TTN: variants seen among roughly 807,000 people sequenced by gnomAD.
TTN encodes the protein titin.
Under a neutral mutation model 3,223.0 loss-of-function variants are expected in TTN, and 1,525 were observed. The observed-to-expected ratio is 0.47, with a 90% CI of 0.45 to 0.49. The LOEUF is 0.49. Ranked by LOEUF, TTN falls within the 20% of genes least tolerant of loss-of-function variation. The pLI, the probability that TTN is intolerant of heterozygous loss-of-function variation, is 0.00. For missense variants in TTN, 40,786 were observed against 43,424.0 expected, an observed-to-expected ratio of 0.94 and a Z score of 5.40; for synonymous variants, 14,094 against 15,161.0, an observed-to-expected ratio of 0.93 and a Z score of 5.17.
Position 178,546,535 on chromosome 2 carries a change from T to C in TTN, c.94829-33A>G, listed in dbSNP as rs753000914. ...TAGGCAAAACAGATATGAATGAATA[T>C]CTGAGAGTTTATTTTCACATAAATT... On this transcript the variant is annotated intron_variant, in intron 341 of 362. Coordinates refer to ENST00000589042, the MANE Select transcript of TTN (RefSeq NM_001267550.2). The C allele has an allele frequency of 1.9e-6, 3 of 1,598,236 alleles. No homozygotes were observed. In the African/African-American group the frequency reaches 4.0e-5, roughly 21 times the overall value.
chr2:178,670,704 A>G (rs1277433864), intron 156 of TTN, among the ~76,000 whole-genome samples: 2 of 151,952 alleles, frequency 1.3e-5, no homozygotes, highest in Admixed American at 1.3e-4. Flanking sequence ...AAAATGAACA[A>G]AGCAAGAACA....
chr2:178,765,049 G>C (rs2090119269), intron 41 of TTN, among the ~76,000 whole-genome samples: 1 of 152,108 alleles, frequency 6.6e-6, no homozygotes, highest in Non-Finnish European at 1.5e-5. Context: ...TTGATATTTG[G>C]GGGGCATGCT....
chr2:178,790,195 AG>A (rs2093414507), intron 11 of TTN, 80 bp from the exon 12 acceptor site: 2 of 1,488,154 alleles, frequency 1.3e-6, no homozygotes, highest in African/African-American at 2.8e-5. Context: ...TCAAAAAGAA[AG>A]GAGGCAAAAT....
In TTN at chr2:178,616,567, G is replaced by C. The variant is rs773602170; in HGVS notation, c.48224C>G (p.Thr16075Ser). ...TCCATCATCATCAGGTGGTTCCCAA[G>C]TCAAATGTACTGAGTCCTTGGTTAT... ...GDITKDSVHL[T>S]WEPPDDDGGS... Residue 16075 changes from threonine (T) to serine (S), a missense_variant, in exon 257 of 363, where the codon ACT becomes AGT. Thr to Ser is a moderately conservative substitution (Grantham distance 58). Coordinates refer to ENST00000589042, the MANE Select transcript of TTN (RefSeq NM_001267550.2). 1 of 1,612,318 alleles carries C rather than the reference G, an allele frequency of 6.2e-7. No individual in the cohort carries two copies. Among genetic ancestry groups the C allele is most frequent in the South Asian group, 1.1e-5 (1 of 91,020 alleles).
rs1325081624 is a variant in TTN at position 178,567,756 on chromosome 2, C to G, written c.78376G>C (p.Glu26126Gln). 6.2e-7 allele frequency: 1 copy of G among 1,613,308 alleles called. No homozygotes were observed. The highest frequency in any genetic ancestry group is 1.7e-5 in the Admixed American group (1 of 59,958). Residue 26126 changes from glutamate (E) to glutamine (Q), a missense_variant, in exon 326 of 363, where the codon GAG becomes CAG. Coordinates refer to ENST00000589042, the MANE Select transcript of TTN (RefSeq NM_001267550.2). Reference sequence around the variant, plus strand: ...CGACCATCAGGCAAATCACGTTTCTCTACAATGTAGCCTGTAATCATACTT... The same window carrying G: ...CGACCATCAGGCAAATCACGTTTCTGTACAATGTAGCCTGTAATCATACTT... ...GGSMITGYIVEKRDLPDGRWM... is the reference protein window; with the variant it reads ...GGSMITGYIVQKRDLPDGRWM...
chr2:178,675,698 TA>T lies in TTN; in HGVS notation c.34509del (p.Lys11504ArgfsTer35), dbSNP rs1380558408. On this transcript the variant is annotated frameshift_variant, in exon 149 of 363. Coordinates refer to ENST00000589042, the MANE Select transcript of TTN (RefSeq NM_001267550.2). LOFTEE classifies it high-confidence loss of function. ...EPEKKVPPPG[L>X]KKAVAPPAKV... ...TTGGCAGGAGGGGCCACTGCTTTCTTAAGACCAGGAGGAGGGACCTTCTTTT... is the reference window on the plus strand; with the variant it reads ...TTGGCAGGAGGGGCCACTGCTTTCTTAGACCAGGAGGAGGGACCTTCTTTT... The T allele has an allele frequency of 7.0e-7, 1 of 1,424,060 alleles. No homozygotes were observed. Among genetic ancestry groups the T allele is most frequent in the Non-Finnish European group, 9.1e-7 (1 of 1,098,546 alleles). 88.2% of individuals were successfully genotyped at this position (1,424,060 alleles called of 1,614,324 possible). A position where few individuals can be genotyped will look rare whatever the true frequency, so the allele number is the denominator to read the frequency against.
chr2:178,618,065 A>C lies in TTN; in HGVS notation c.47286T>G (p.Pro15762=). The C allele has an allele frequency of 6.2e-7, 1 of 1,612,278 alleles. No individual in the cohort carries two copies. Among genetic ancestry groups the C allele is most frequent in the Non-Finnish European group, 8.5e-7 (1 of 1,179,040 alleles). The part of the protein sequence containing the change: ...ARSKYDVPGP[P]LNVTITDVNR... Reference sequence around the variant, plus strand: ...TCACATCAGTGATGGTTACATTCAAAGGAGGGCCTGGAACATCTGGATTTC... The same window carrying C: ...TCACATCAGTGATGGTTACATTCAACGGAGGGCCTGGAACATCTGGATTTC... Residue 15762 remains proline, a synonymous_variant, in exon 253 of 363, where the codon CCT becomes CCG. Coordinates refer to ENST00000589042, the MANE Select transcript of TTN (RefSeq NM_001267550.2).
At chr2:178,687,594 T>A (rs1373992522) in intron 127 of TTN, among the ~76,000 whole-genome samples, 2 of 152,184 alleles carry the variant, frequency 1.3e-5, no homozygotes, top group African/African-American at 4.8e-5. Flanking sequence ...TTTTAAAACA[T>A]TTTAAGACAT....
Position 178,539,432 on chromosome 2 carries a change from A to C in TTN, c.98633T>G (p.Ile32878Arg), listed in dbSNP as rs1239539070. ...FRVSAENQFG[I>R]SKPLKSEEPV... ...TTCCTCAGATTTCAAGGGTTTGCTT[A>C]TGCCAAACTGGTTTTCTGCTGAAAC... Residue 32878 changes from isoleucine to arginine, a missense_variant, in exon 352 of 363, where the codon ATA (isoleucine) becomes AGA (arginine). By Grantham distance (97) the Ile-to-Arg change is moderately conservative. Transcript: ENST00000589042. The C allele has an allele frequency of 6.8e-6, 11 of 1,613,718 alleles. No individual in the cohort carries two copies. Among genetic ancestry groups the C allele is most frequent in the Non-Finnish European group, 9.3e-6 (11 of 1,179,802 alleles).
In TTN at chr2:178,749,326, C is replaced by T. The variant is rs1306163118; in HGVS notation, c.11311+3798G>A. 3 of 1,612,586 alleles carry T rather than the reference C, an allele frequency of 1.9e-6. No individual in the cohort carries two copies. In the East Asian group the frequency reaches 6.7e-5, roughly 36 times the overall value. On this transcript the variant is annotated intron_variant, in intron 47 of 362. Transcript: ENST00000589042. ...TTACATGTCTCTCTTTCCCTTCAGC[C>T]TGACATTGTATGAATTCAGCCCTGA... is the stretch of plus-strand genomic sequence containing the variant.
intron 145 of TTN, 42 bp from the exon 146 acceptor site, chr2:178,677,959 G>T: frequency 6.4e-7 from 1 of 1,566,930 alleles, no homozygotes; most frequent in Non-Finnish European, 8.6e-7. Context: ...TCACTTTTAT[G>T]TAAAATATTC....
At chr2:178,648,204 C>T (rs1460262500) in intron 213 of TTN, among the ~76,000 whole-genome samples, 2 of 152,044 alleles carry the variant, frequency 1.3e-5, no homozygotes, top group African/African-American at 4.8e-5. Flanking sequence ...AAGTACAAGC[C>T]TTTTACTGGC....
At position 178,534,919 on chromosome 2, in the gene TTN, T is replaced by C. The variant is rs794729560; in HGVS notation, c.101696A>G (p.Asp33899Gly). The change falls in exon 358 of 363, where the codon GAC (aspartate) becomes GGC (glycine). Residue 33899 changes from aspartate to glycine, a missense_variant. Physicochemically the swap from Asp to Gly is moderately conservative, Grantham distance 94. Coordinates refer to ENST00000589042, the MANE Select transcript of TTN (RefSeq NM_001267550.2). The stretch of plus-strand genomic sequence containing the variant: ...ACTTGTGTTAATGCGCTCAAATATG[T>C]CAAGTCCTGATATAAACTCAAAGAT... The part of the protein sequence containing the change: ...VMIFEFISGL[D>G]IFERINTSAF... 2 of 1,610,954 alleles carry C rather than the reference T, an allele frequency of 1.2e-6. No individual in the cohort carries two copies. Among genetic ancestry groups the C allele is most frequent in the Non-Finnish European group, 1.7e-6 (2 of 1,179,806 alleles).
chr2:178,557,918 C>A lies in TTN; in HGVS notation c.87436G>T (p.Val29146Phe), dbSNP rs794729520. 2 of 1,613,224 alleles carry A rather than the reference C, an allele frequency of 1.2e-6. No homozygotes were observed. The highest frequency in any genetic ancestry group is 2.7e-5 in the African/African-American group (2 of 74,928). Residue 29146 changes from valine (V) to phenylalanine (F), a missense_variant, in exon 328 of 363, where the codon GTT (valine) becomes TTT (phenylalanine). Transcript: ENST00000589042. ...CTTTCTTCAGTTATATCACTAATAA[C>A]AACAGGGCCAGTTGGAGGACCAGGC... ...DRPGPPTGPV[V>F]ISDITEESVT...
rs1185075181 is a variant in TTN at position 178,714,114 on chromosome 2, G to A, written c.26544C>T (p.Thr8848=). ...SIKVTTGDTC[T]LECTVAGTPE... ...GGGTGCCAGCTACTGTACACTCCAA[G>A]GTACAGGTGTCTCCCGTGGTAACTT... The change falls in exon 92 of 363, where the codon ACC becomes ACT. Residue 8848 remains threonine (T), a synonymous_variant. Transcript: ENST00000589042. 2.5e-6 allele frequency: 4 copies of A among 1,613,626 alleles called. No homozygotes were observed. The highest frequency in any genetic ancestry group is 2.7e-5 in the African/African-American group (2 of 74,986).
Position 178,766,434 on chromosome 2 carries a change from T to G in TTN, c.9650A>C (p.Glu3217Ala), listed in dbSNP as rs1014216424. 8 of 1,614,046 alleles carry G rather than the reference T, an allele frequency of 5.0e-6. No homozygotes were observed. In the African/African-American group the frequency reaches 1.1e-4, roughly 22 times the overall value. ...GTTCCTTCCTGCCACAAAGGTGTATTCTCCTGCATCGCTCTGTCTGGTCTC... is the reference window on the plus strand; with the variant it reads ...GTTCCTTCCTGCCACAAAGGTGTATGCTCCTGCATCGCTCTGTCTGGTCTC... Reference protein sequence around the residue: ...ISETRQSDAGEYTFVAGRNRS... With the variant: ...ISETRQSDAGAYTFVAGRNRS... Residue 3217 changes from glutamate to alanine, a missense_variant, in exon 41 of 363, where the codon GAA becomes GCA. Coordinates refer to ENST00000589042, the MANE Select transcript of TTN (RefSeq NM_001267550.2).
chr2:178,714,701 G>T, intron 90 of TTN, 128 bp from the exon 91 acceptor site: 1 of 1,097,318 alleles, frequency 9.1e-7, no homozygotes, highest in Non-Finnish European at 1.3e-6. Context: ...ATTTTTGGTG[G>T]ATGCGAGCAG....
Position 178,664,529 on chromosome 2 carries a change from C to G in TTN, c.36211G>C (p.Ala12071Pro), listed in dbSNP as rs1403107164. 1 of 1,611,436 alleles carries G rather than the reference C, an allele frequency of 6.2e-7. No individual in the cohort carries two copies. The highest frequency in any genetic ancestry group is 8.5e-7 in the Non-Finnish European group (1 of 1,179,150). The change falls in exon 168 of 363, where the codon GCT becomes CCT. Residue 12071 changes from alanine to proline, a missense_variant. Transcript: ENST00000589042. ...PEVLPDEVPEALREVVPEKKV... is the reference protein window; with the variant it reads ...PEVLPDEVPEPLREVVPEKKV... ...TTTTCCGGGACAACTTCTCTGAGAG[C>G]CTCCGGCACTTTGAAGATATTAATA...
rs778126116 is a variant in TTN at position 178,698,828 on chromosome 2, G to T, written c.30754+15C>A. 1.4e-4 allele frequency: 216 copies of T among 1,532,894 alleles called. No homozygotes were observed. The highest frequency in any genetic ancestry group is 1.4e-4 in the Non-Finnish European group (157 of 1,141,476). The allele number at this position is 1,532,894 out of a possible 1,614,324, so 95.0% of individuals were successfully genotyped here. ...GAAAAAAGTGTTAAGACTGCTTTTT[G>T]ATTAATTATAATACCTTCACGTGGT... On this transcript the variant is annotated intron_variant, in intron 112 of 362. Coordinates refer to ENST00000589042, the MANE Select transcript of TTN (RefSeq NM_001267550.2).
Sources: allele counts gnomAD v4.1 joint callset (sites outside exome capture counted in the v4.1 genomes callset), GRCh38; gene constraint gnomAD v4.1.1; transcripts MANE v1.5; gene names NCBI Gene and HGNC (gene_info 2026-07-23, HGNC 2026-07-21).